Variants in PTPRG observed in about 807,000 individuals in gnomAD.
PTPRG encodes protein tyrosine phosphatase receptor type G.
In PTPRG, 102 loss-of-function variants were observed where a neutral mutation model predicts 165.3. That is an observed-to-expected ratio of 0.62 (90% CI 0.53 to 0.73). The LOEUF (loss-of-function observed/expected upper bound fraction) is 0.73, where lower values mean the gene tolerates loss of function less well. Ranked by LOEUF, PTPRG falls within the 30% of genes least tolerant of loss-of-function variation. PTPRG has a pLI of 0.00. For missense variants in PTPRG, 1,866 were observed against 1,861.4 expected, an observed-to-expected ratio of 1.00 and a Z score of -0.05; for synonymous variants, 675 against 669.5, an observed-to-expected ratio of 1.01 and a Z score of -0.13.
intron 1 of PTPRG, among the ~76,000 whole-genome samples, chr3:61,726,337 G>T (rs1419850748): frequency 6.6e-6 from 1 of 152,158 alleles, no homozygotes; most frequent in East Asian, 1.9e-4. Context: ...AGCATTGATA[G>T]AGAGATGTAT....
intron 7 of PTPRG, among the ~76,000 whole-genome samples, chr3:62,160,419 C>T (rs1228252912): frequency 6.6e-6 from 1 of 152,202 alleles, no homozygotes; most frequent in Non-Finnish European, 1.5e-5. Context: ...TGGGATTCCC[C>T]ACTTAGTCAG....
chr3:61,588,241 T>C (rs148278604), intron 1 of PTPRG, among the ~76,000 whole-genome samples: 379 of 152,266 alleles, frequency 2.5e-3, no homozygotes, highest in African/African-American at 8.7e-3. Flanking sequence ...TTCAACTCTT[T>C]TTGATCTGGT....
rs878993381 is a variant in PTPRG at position 62,297,397 on chromosome 3, C to T, written c.*4090C>T. ...GACCATTTGTGCAATAGGAATTAGA[C>T]ATAATTAGTCACTGAAAACATTCGT... On this transcript the variant is annotated 3_prime_UTR_variant, in exon 30 of 30. Coordinates refer to ENST00000474889, the MANE Select transcript of PTPRG (RefSeq NM_002841.4). The T allele has an allele frequency of 3.4e-5, 5 of 149,246 alleles. No homozygotes were observed. In the South Asian group the frequency reaches 1.1e-3, roughly 32 times the overall value. 9.2% of individuals were successfully genotyped at this position (149,246 alleles called of 1,614,324 possible).
At chr3:61,581,727 A>G (rs1055164236) in intron 1 of PTPRG, among the ~76,000 whole-genome samples, 14 of 150,592 alleles carry the variant, frequency 9.3e-5, no homozygotes, top group African/African-American at 3.2e-4. Flanking sequence ...CTCATGCCTC[A>G]GTCTCCCAAG....
rs200561175 is a variant in PTPRG, at chr3:61,940,657, A to T, written c.191-48968A>T. ...ATGGATTCAGTAGATGCTTTTATTT[A>T]TTTATTTATTTATTTTTTATTTTTT... is the stretch of plus-strand genomic sequence containing the variant. On this transcript the variant is annotated intron_variant, in intron 2 of 29. Coordinates refer to ENST00000474889, the MANE Select transcript of PTPRG (RefSeq NM_002841.4). Among the ~76,000 whole-genome samples the T allele has an allele frequency of 3.0e-3, 269 of 90,512 alleles. 4 individuals carry two copies. The highest frequency in any genetic ancestry group is 0.014 in the Middle Eastern group (2 of 144). The allele number at this position is 90,512 out of a possible 152,430, so 59.4% of individuals were successfully genotyped here. A position where few individuals can be genotyped will look rare whatever the true frequency, so the allele number is the denominator to read the frequency against.
At chr3:61,948,449 A>T (rs2039818142) in intron 2 of PTPRG, among the ~76,000 whole-genome samples, 1 of 152,212 alleles carries the variant, frequency 6.6e-6, no homozygotes, top group African/African-American at 2.4e-5. Context: ...CTGGGAATTC[A>T]GTAGTGCACC....
intron 2 of PTPRG, among the ~76,000 whole-genome samples, chr3:61,840,783 T>TTG (rs2036606867): frequency 1.1e-5 from 1 of 93,250 alleles, no homozygotes; most frequent in East Asian, 4.6e-4. Flanking sequence ...TGTTTGTTTG[T>TTG]TTTTTTTTTT....
chr3:61,626,847 G>A (rs1701623073), intron 1 of PTPRG, among the ~76,000 whole-genome samples: 1 of 152,334 alleles, frequency 6.6e-6, no homozygotes, highest in Non-Finnish European at 1.5e-5. Flanking sequence ...AAAAGGAATA[G>A]TAACTCAAAT....
chr3:61,644,148 A>C (rs556137045), intron 1 of PTPRG, among the ~76,000 whole-genome samples: 1 of 152,346 alleles, frequency 6.6e-6, no homozygotes, highest in Admixed American at 6.5e-5. Context: ...AGTGATAAAG[A>C]AGTGTCACCT....
Position 61,949,741 on chromosome 3 carries a change from T to G in PTPRG, c.191-39884T>G, listed in dbSNP as rs1030020827. Among the ~76,000 whole-genome samples, 8 of 146,582 alleles carry G rather than the reference T, an allele frequency of 5.5e-5. No individual in the cohort carries two copies. In the East Asian group the frequency reaches 1.4e-3, roughly 25 times the overall value. On this transcript the variant is annotated intron_variant, in intron 2 of 29. Coordinates refer to ENST00000474889, the MANE Select transcript of PTPRG (RefSeq NM_002841.4). The stretch of plus-strand genomic sequence containing the variant: ...CTTTGGATTCTTTGTTTTTTTTTTT[T>G]TTGTTTGTTTGTTTTGGAGAAGAAG...
chr3:62,080,800 A>G (rs900243909), intron 5 of PTPRG, among the ~76,000 whole-genome samples: 4 of 152,150 alleles, frequency 2.6e-5, no homozygotes, highest in African/African-American at 7.2e-5. Flanking sequence ...TCAACAAAAT[A>G]CCTCACTGTG....
At chr3:62,099,120 C>T (rs1253553135) in intron 5 of PTPRG, among the ~76,000 whole-genome samples, 3 of 152,096 alleles carry the variant, frequency 2.0e-5, no homozygotes, top group Non-Finnish European at 4.4e-5. Context: ...GAATTTTCAC[C>T]ACTGGCACTA....
chr3:61,667,567 T>C (rs1436429220), intron 1 of PTPRG, among the ~76,000 whole-genome samples: 1 of 152,180 alleles, frequency 6.6e-6, no homozygotes, highest in East Asian at 1.9e-4. Context: ...AGGGAGGCTC[T>C]ATTAGGCCTG....
chr3:62,156,602 C>G (rs1258762631), intron 6 of PTPRG, among the ~76,000 whole-genome samples: 1 of 152,122 alleles, frequency 6.6e-6, no homozygotes, highest in Non-Finnish European at 1.5e-5. Flanking sequence ...TTTCTTTTCA[C>G]AGTGATTCTC....
At chr3:61,636,660 A>G (rs1171648557) in intron 1 of PTPRG, among the ~76,000 whole-genome samples, 1 of 152,252 alleles carries the variant, frequency 6.6e-6, no homozygotes, top group Non-Finnish European at 1.5e-5. Flanking sequence ...TGGACAAATA[A>G]AAGTCCACTC....
At chr3:62,117,274 C>G (rs1327427496) in intron 5 of PTPRG, among the ~76,000 whole-genome samples, 2 of 152,212 alleles carry the variant, frequency 1.3e-5, no homozygotes, top group African/African-American at 4.8e-5. Context: ...GGGGACTTTT[C>G]CCAGCTAGCT....
rs1335188404 is a variant in PTPRG at position 62,233,581 on chromosome 3, CAGG to C, written c.2375+2272_2375+2274del. Among the ~76,000 whole-genome samples the C allele has an allele frequency of 2.0e-5, 3 of 152,248 alleles. No individual in the cohort carries two copies. The highest frequency in any genetic ancestry group is 2.0e-4 in the Admixed American group (3 of 15,296). Reference sequence around the variant, plus strand: ...CTTGTATCTCCACCTAAAATGTGGCCAGGAATCAAAAGAAGAGCCCCCAGTGAT... The same window carrying C: ...CTTGTATCTCCACCTAAAATGTGGCCAATCAAAAGAAGAGCCCCCAGTGAT... On this transcript the variant is annotated intron_variant, in intron 14 of 29. Transcript: ENST00000474889. The surrounding 1 kb of genome is among the most constrained non-coding windows in gnomAD (Gnocchi z 4.7).
intron 2 of PTPRG, among the ~76,000 whole-genome samples, chr3:61,848,329 G>A (rs1228649332): frequency 6.6e-6 from 1 of 152,208 alleles, no homozygotes; most frequent in Non-Finnish European, 1.5e-5. Context: ...TTTGCCCTAG[G>A]CAGGCTCTGT....
chr3:61,810,959 T>C (rs2035555864), intron 2 of PTPRG, among the ~76,000 whole-genome samples: 1 of 152,132 alleles, frequency 6.6e-6, no homozygotes, highest in South Asian at 2.1e-4. Context: ...CTACCTGTGT[T>C]GGGGAGTGCA....
Sources: gnomAD v4.1 joint callset for allele counts (sites outside exome capture counted in the v4.1 genomes callset) on GRCh38, gnomAD v4.1.1 for gene constraint, Gnocchi (gnomAD v3.1) non-coding constraint, MANE v1.5 for transcripts, NCBI Gene and HGNC (gene_info 2026-07-23, HGNC 2026-07-21) for gene names.